The following DOCK3 variants were observed in gnomAD, a reference collection of about 807,000 sequenced individuals.
The protein encoded by DOCK3 is dedicator of cytokinesis protein 3.
A neutral mutation model predicts 265.6 loss-of-function variants in DOCK3; 60 were observed. The observed-to-expected ratio is 0.23, with a 90% CI of 0.18 to 0.28. DOCK3 has a LOEUF of 0.28. Among genes scored for constraint, DOCK3 ranks in the 10% least tolerant of loss-of-function variants. DOCK3 has a pLI of 1.00. For synonymous variants in DOCK3, 881 were observed against 938.0 expected, an observed-to-expected ratio of 0.94 and a Z score of 1.11; for missense variants, 1,981 against 2,594.3, an observed-to-expected ratio of 0.76 and a Z score of 5.14.
intron 2 of DOCK3, among the ~76,000 whole-genome samples, chr3:50,779,391 A>T (rs2609003): frequency 0.094 from 14,171 of 150,746 alleles, 808 homozygotes; most frequent in Non-Finnish European, 0.12. Context: ...TTGTTTATTT[A>T]TTTTTTTTTG....
rs1553618717 is a variant in DOCK3 at position 51,381,488 on chromosome 3, C to T, written c.6022C>T (p.Pro2008Ser). Residue 2008 changes from proline to serine, a missense_variant, in exon 53 of 53, where the codon CCA (proline) becomes TCA (serine). Pro to Ser is a moderately conservative substitution (Grantham distance 74). This residue lies in a region of DOCK3 where 149 missense variants were observed against 144.7 expected (regional missense o/e 1.03). Transcript: ENST00000266037. This position sits in a 1 kb window ranked among gnomAD's most constrained non-coding sequence, Gnocchi z 5.6. ...ERPRGLHRKAPLPPGSAKEEQ... is the reference protein window; with the variant it reads ...ERPRGLHRKASLPPGSAKEEQ... ...GCCTCGAGGCCTGCACCGCAAGGCT[C>T]CATTGCCTCCTGGGAGCGCTAAGGA... 3.2e-6 allele frequency: 5 copies of T among 1,586,692 alleles called. No individual in the cohort carries two copies. The highest frequency in any genetic ancestry group is 4.3e-6 in the Non-Finnish European group (5 of 1,167,492).
chr3:50,826,759 T>C lies in DOCK3; in HGVS notation c.122-14916T>C, dbSNP rs143892367. Among the ~76,000 whole-genome samples the C allele has an allele frequency of 1.3e-3, 192 of 152,184 alleles. 1 individual carries two copies. The highest frequency in any genetic ancestry group is 1.8e-3 in the Non-Finnish European group (121 of 68,008). ...CAAAAGAGCTCTTGGAAATTAAAAA[T>C]ATGATAGCAAGAATGAAAATCTCAG... is the stretch of plus-strand genomic sequence containing the variant. On this transcript the variant is annotated intron_variant, in intron 2 of 52. Transcript: ENST00000266037.
intron 5 of DOCK3, among the ~76,000 whole-genome samples, chr3:50,963,992 C>G (rs922322882): frequency 2.0e-5 from 3 of 152,210 alleles, no homozygotes; most frequent in Non-Finnish European, 2.9e-5. Context: ...TAGGGAAACA[C>G]TCATTAGAAT....
intron 3 of DOCK3, among the ~76,000 whole-genome samples, chr3:50,884,967 A>G (rs560900226): frequency 3.9e-5 from 6 of 152,264 alleles, no homozygotes; most frequent in Admixed American, 2.0e-4. Context: ...CAAATGCACA[A>G]TGTCATGTAG....
chr3:50,963,412 T>C (rs1050419632), intron 5 of DOCK3, among the ~76,000 whole-genome samples: 2 of 152,218 alleles, frequency 1.3e-5, no homozygotes, highest in African/African-American at 4.8e-5. Context: ...ATTTATATTG[T>C]TTCATGAACT....
chr3:50,999,102 A>G (rs191296329), intron 5 of DOCK3, among the ~76,000 whole-genome samples: 3 of 152,368 alleles, frequency 2.0e-5, no homozygotes, highest in Admixed American at 2.0e-4. Flanking sequence ...AGTGAAGCAA[A>G]TATTTCTAAA....
intron 12 of DOCK3, among the ~76,000 whole-genome samples, chr3:51,170,003 A>G (rs2086597778): frequency 6.6e-6 from 1 of 152,120 alleles, no homozygotes; most frequent in African/African-American, 2.4e-5. Context: ...TTATGGGTTT[A>G]ATATCTAAAA....
At position 50,985,077 on chromosome 3, in the gene DOCK3, C is replaced by T. The variant is rs147647601; in HGVS notation, c.315+51000C>T. 1.4e-3 allele frequency among the ~76,000 whole-genome samples: 217 copies of T among 152,210 alleles called. 1 individual carries two copies. Among genetic ancestry groups the T allele is most frequent in the African/African-American group, 4.9e-3 (202 of 41,512 alleles). ...CTTACATTCACACATATGTATAAGT[C>T]TTAAATACATAAAAATAGAACCACA... On this transcript the variant is annotated intron_variant, in intron 5 of 52. Transcript: ENST00000266037.
intron 14 of DOCK3, among the ~76,000 whole-genome samples, chr3:51,224,593 T>C (rs866050816): frequency 6.6e-6 from 1 of 152,362 alleles, no homozygotes. Context: ...AATTACCTGG[T>C]TTCTGAATTG....
At chr3:51,032,871 C>T (rs1288517652) in intron 5 of DOCK3, among the ~76,000 whole-genome samples, 6 of 152,070 alleles carry the variant, frequency 3.9e-5, no homozygotes, top group Middle Eastern at 3.2e-3. Context: ...GTGATTGTGC[C>T]AGTGTACCCC....
intron 21 of DOCK3, among the ~76,000 whole-genome samples, chr3:51,242,249 G>A (rs923204593): frequency 6.6e-6 from 1 of 152,076 alleles, no homozygotes; most frequent in South Asian, 2.1e-4. Context: ...CTGGTATTGG[G>A]CCCCAGCTTT....
intron 5 of DOCK3, among the ~76,000 whole-genome samples, chr3:51,048,335 C>T (rs973712895): frequency 2.0e-5 from 3 of 152,050 alleles, no homozygotes; most frequent in African/African-American, 7.2e-5. Context: ...GATAAGGATG[C>T]CTACCCTTGC....
intron 1 of DOCK3, among the ~76,000 whole-genome samples, chr3:50,702,685 GT>G (rs1223941913): frequency 6.6e-6 from 1 of 151,482 alleles, no homozygotes; most frequent in African/African-American, 2.4e-5. Context: ...TTGTATGTTC[GT>G]TTTGTATCCT....
intron 5 of DOCK3, among the ~76,000 whole-genome samples, chr3:50,991,578 G>A (rs1420489721): frequency 6.6e-6 from 1 of 152,128 alleles, no homozygotes; most frequent in East Asian, 1.9e-4. Context: ...GGAGCACCTG[G>A]ATTCATAAAG....
chr3:50,920,589 G>T (rs1241779983), intron 4 of DOCK3, among the ~76,000 whole-genome samples: 1 of 152,050 alleles, frequency 6.6e-6, no homozygotes, highest in Non-Finnish European at 1.5e-5. Flanking sequence ...GGGATTGGTG[G>T]TGTTATCCCC....
At chr3:50,842,646 C>T (rs1312978656) in intron 3 of DOCK3, among the ~76,000 whole-genome samples, 1 of 152,048 alleles carries the variant, frequency 6.6e-6, no homozygotes, top group Non-Finnish European at 1.5e-5. Flanking sequence ...CAGCAACCCT[C>T]TGTCCCTTAG....
intron 51 of DOCK3, chr3:51,379,398 G>T (rs2088421037): frequency 1.0e-6 from 1 of 985,340 alleles, no homozygotes; most frequent in Admixed American, 6.1e-5. Flanking sequence ...TTCTCCCAGA[G>T]GGTGGCTCAA....
chr3:51,060,965 TC>T (rs1334499458), intron 5 of DOCK3, among the ~76,000 whole-genome samples: 5 of 152,164 alleles, frequency 3.3e-5, no homozygotes, highest in African/African-American at 1.2e-4. Flanking sequence ...GAAAAAATGC[TC>T]TTCATCACTG....
chr3:50,986,846 AGTT>A (rs1225736015), intron 5 of DOCK3, among the ~76,000 whole-genome samples: 2 of 152,224 alleles, frequency 1.3e-5, no homozygotes, highest in Admixed American at 6.5e-5. Flanking sequence ...AAGATCCTGA[AGTT>A]GTTCATACTT....
Sources: allele counts gnomAD v4.1 joint callset (sites outside exome capture counted in the v4.1 genomes callset), GRCh38; gene constraint gnomAD v4.1.1; regional missense constraint gnomAD v4.1.1; non-coding constraint Gnocchi (gnomAD v3.1); transcripts MANE v1.5; gene names NCBI Gene and HGNC (gene_info 2026-07-23, HGNC 2026-07-21).